The following MRPL15 variants were observed in gnomAD, a reference collection of about 807,000 sequenced individuals.
MRPL15 encodes the protein large ribosomal subunit protein uL15m.
Under a neutral mutation model 28.0 loss-of-function variants are expected in MRPL15, and 24 were observed. The ratio of observed to expected loss-of-function variants is 0.86; its 90% CI spans 0.62 to 1.21. The LOEUF (loss-of-function observed/expected upper bound fraction) is 1.21, where lower values mean the gene tolerates loss of function less well. Ranked by LOEUF, MRPL15 falls within the 50% of genes most tolerant of loss-of-function variation. The pLI is 0.00. For synonymous variants in MRPL15, 124 were observed against 137.0 expected, an observed-to-expected ratio of 0.90 and a Z score of 0.66; for missense variants, 343 against 372.4, an observed-to-expected ratio of 0.92 and a Z score of 0.65.
chr8:54,145,762 G>A (rs1811035561), intron 4 of MRPL15, among the ~76,000 whole-genome samples: 1 of 152,162 alleles, frequency 6.6e-6, no homozygotes, highest in South Asian at 2.1e-4. Context: ...GAGCCATTGT[G>A]CCTGGTCTAC....
Position 54,147,850 on chromosome 8 carries a change from T to A in MRPL15, c.*131T>A, listed in dbSNP as rs937794977. On this transcript the variant is annotated 3_prime_UTR_variant, in exon 5 of 5. Coordinates refer to ENST00000260102, the MANE Select transcript of MRPL15 (RefSeq NM_014175.4). ...TGTTACTTTTCAGTGTACTCATATG[T>A]CTCATTTTCATCTAAAATTAAATGG... 5 of 765,358 alleles carry A rather than the reference T, an allele frequency of 6.5e-6. No individual in the cohort carries two copies. In the East Asian group the frequency reaches 1.1e-4, roughly 17 times the overall value. 47.4% of individuals were successfully genotyped at this position (765,358 alleles called of 1,614,324 possible).
At position 54,142,481 on chromosome 8, in the gene MRPL15, C is replaced by T. The variant is rs187834741; in HGVS notation, c.430-182C>T. Among the ~76,000 whole-genome samples the T allele has an allele frequency of 1.0e-3, 157 of 152,064 alleles. 1 individual carries two copies. The highest frequency in any genetic ancestry group is 6.8e-3 in the Middle Eastern group (2 of 294). ...TTATTTTTTATTATTACTTTTTTTC[C>T]GAAAATTATCCATTCAAGTTGGTTG... is the stretch of plus-strand genomic sequence containing the variant. On this transcript the variant is annotated intron_variant, in intron 3 of 4. Transcript: ENST00000260102.
At position 54,147,793 on chromosome 8, in the gene MRPL15, A is replaced by C; in HGVS notation, c.*74A>C. The C allele has an allele frequency of 7.8e-7, 1 of 1,285,412 alleles. No homozygotes were observed. The highest frequency in any genetic ancestry group is 1.1e-6 in the Non-Finnish European group (1 of 938,706). 79.6% of individuals were successfully genotyped at this position (1,285,412 alleles called of 1,614,324 possible). A position where few individuals can be genotyped will look rare whatever the true frequency, so the allele number is the denominator to read the frequency against. ...TGAAGGATCTATATTCCCTTATTGC[A>C]TTTTCCTTATGTATAATTTTCCAGA... On this transcript the variant is annotated 3_prime_UTR_variant, in exon 5 of 5. Coordinates refer to ENST00000260102, the MANE Select transcript of MRPL15 (RefSeq NM_014175.4).
rs971742214 is a variant in MRPL15 at position 54,136,503 on chromosome 8, C to T, written c.109-8C>T. On this transcript the variant is annotated splice_region_variant and splice_polypyrimidine_tract_variant and intron_variant, in intron 1 of 4. Transcript: ENST00000260102. Reference sequence around the variant, plus strand: ...TGAAATTCATAAAATTCTTTTTTTTCCTTGCAGGAGAGAAGACCAAGAGGT... The same window carrying T: ...TGAAATTCATAAAATTCTTTTTTTTTCTTGCAGGAGAGAAGACCAAGAGGT... 4.4e-6 allele frequency: 7 copies of T among 1,576,426 alleles called. No homozygotes were observed. Among genetic ancestry groups the T allele is most frequent in the Admixed American group, 4.1e-5 (2 of 49,178 alleles).
intron 3 of MRPL15, among the ~76,000 whole-genome samples, chr8:54,139,508 G>A (rs1373573780): frequency 6.6e-6 from 1 of 152,164 alleles, no homozygotes; most frequent in East Asian, 1.9e-4. Flanking sequence ...TACCCTGAGT[G>A]TATATAAAGA....
chr8:54,145,437 C>G (rs1472326076), intron 4 of MRPL15, among the ~76,000 whole-genome samples: 1 of 152,058 alleles, frequency 6.6e-6, no homozygotes, highest in African/African-American at 2.4e-5. Flanking sequence ...GTCTCAAACT[C>G]CTGGTTTCAA....
In MRPL15 at chr8:54,147,564, G is replaced by C; in HGVS notation, c.736G>C (p.Asp246His). The change falls in exon 5 of 5, where the codon GAT becomes CAT. Residue 246 changes from aspartate (D) to histidine (H), a missense_variant. Coordinates refer to ENST00000260102, the MANE Select transcript of MRPL15 (RefSeq NM_014175.4). The stretch of plus-strand genomic sequence containing the variant: ...CAGGAAGTATGGTTATATCTTACCT[G>C]ATATCACTAAAGATGAACTCTTCAA... ...LARKYGYILP[D>H]ITKDELFKML... The C allele has an allele frequency of 3.7e-6, 6 of 1,614,138 alleles. No homozygotes were observed. The highest frequency in any genetic ancestry group is 5.1e-6 in the Non-Finnish European group (6 of 1,180,034).
chr8:54,137,545 C>T (rs531795494), intron 3 of MRPL15, 112 bp downstream of exon 3: 1 of 927,322 alleles, frequency 1.1e-6, no homozygotes, highest in Admixed American at 2.7e-5. Context: ...CTCCTGCAAC[C>T]TCCACCTCAC....
Position 54,147,497 on chromosome 8 carries a change from G to A in MRPL15, c.669G>A (p.Leu223=). ...YYTDAKNRGY[L]ADPAKFPEAR... ...CTGATGCAAAGAACCGTGGGTACCT[G>A]GCGGATCCTGCCAAATTTCCTGAAG... is the stretch of plus-strand genomic sequence containing the variant. Residue 223 remains leucine (L), a synonymous_variant, in exon 5 of 5, where the codon CTG becomes CTA. Transcript: ENST00000260102. 1 of 1,614,120 alleles carries A rather than the reference G, an allele frequency of 6.2e-7. No homozygotes were observed. Among genetic ancestry groups the A allele is most frequent in the Non-Finnish European group, 8.5e-7 (1 of 1,180,024 alleles).
chr8:54,140,818 G>A lies in MRPL15; in HGVS notation c.430-1845G>A, dbSNP rs756558162. Reference sequence around the variant, plus strand: ...AGGGTGGTCTTGATCTTCTGACCTCGTGATCCACCCGCCTTGGCCTCCCAA... The same window carrying A: ...AGGGTGGTCTTGATCTTCTGACCTCATGATCCACCCGCCTTGGCCTCCCAA... On this transcript the variant is annotated intron_variant, in intron 3 of 4. Transcript: ENST00000260102. Among the ~76,000 whole-genome samples the A allele has an allele frequency of 5.9e-5, 9 of 151,368 alleles. No individual in the cohort carries two copies. The South Asian group carries it at 1.0e-3, about 17-fold the overall frequency.
chr8:54,142,843 A>T, intron 4 of MRPL15, 57 bp downstream of exon 4: 1 of 1,604,420 alleles, frequency 6.2e-7, no homozygotes, highest in Non-Finnish European at 8.5e-7. Flanking sequence ...GTTGGCTACT[A>T]ATTTTAAATT....
In MRPL15 at chr8:54,147,871, A is replaced by G; in HGVS notation, c.*152A>G. The G allele has an allele frequency of 1.5e-6, 1 of 684,852 alleles. No homozygotes were observed. Among genetic ancestry groups the G allele is most frequent in the South Asian group, 2.4e-5 (1 of 41,212 alleles). The allele number at this position is 684,852 out of a possible 1,614,324, so 42.4% of individuals were successfully genotyped here. The stretch of plus-strand genomic sequence containing the variant: ...TATGTCTCATTTTCATCTAAAATTA[A>G]ATGGCAGGAAACAAGGACTGCATAG... On this transcript the variant is annotated 3_prime_UTR_variant, in exon 5 of 5. Transcript: ENST00000260102.
At chr8:54,146,446 CAAAAA>C (rs34515810) in intron 4 of MRPL15, among the ~76,000 whole-genome samples, 4 of 93,032 alleles carry the variant, frequency 4.3e-5, no homozygotes, top group Non-Finnish European at 7.4e-5. Flanking sequence ...GACTTTGTCT[CAAAAA>C]AAAAAAAAAA....
chr8:54,136,807 G>C (rs1237809087), intron 2 of MRPL15, 142 bp downstream of exon 2: 18 of 1,058,628 alleles, frequency 1.7e-5, no homozygotes, highest in Non-Finnish European at 2.0e-5. Flanking sequence ...ACCATTTTTT[G>C]GTAATGAAAT....
chr8:54,142,218 G>A (rs528926498), intron 3 of MRPL15, among the ~76,000 whole-genome samples: 1 of 151,976 alleles, frequency 6.6e-6, no homozygotes, highest in African/African-American at 2.4e-5. Flanking sequence ...GCAATGGCGC[G>A]ATCTCAGCTC....
intron 1 of MRPL15, 87 bp downstream of exon 1, chr8:54,135,478 C>T: frequency 8.9e-7 from 1 of 1,123,926 alleles, no homozygotes; most frequent in East Asian, 3.0e-5. Flanking sequence ...GAGAACTGCC[C>T]TTTCTAGGAG....
chr8:54,140,048 T>C (rs900489903), intron 3 of MRPL15, among the ~76,000 whole-genome samples: 1 of 152,194 alleles, frequency 6.6e-6, no homozygotes, highest in Non-Finnish European at 1.5e-5. Flanking sequence ...ATTTTTGAAA[T>C]ACATGAAAAA....
Position 54,143,105 on chromosome 8 carries a change from G to C in MRPL15, c.553+319G>C, listed in dbSNP as rs561610082. Among the ~76,000 whole-genome samples the C allele has an allele frequency of 1.3e-4, 19 of 151,626 alleles. No individual in the cohort carries two copies. In the East Asian group the frequency reaches 2.7e-3, roughly 22 times the overall value. On this transcript the variant is annotated intron_variant, in intron 4 of 4. Transcript: ENST00000260102. The stretch of plus-strand genomic sequence containing the variant: ...TTTCTCTCTTTTTTTTTTTAAGACA[G>C]AGTCTTGCTCTGTTGCCCAGGCTGG...
At position 54,135,251 on chromosome 8, in the gene MRPL15, G is replaced by A; in HGVS notation, c.-33G>A. ...GACCACGTGGCCTCCGAGCAGCTCA[G>A]GGCGCCCTTGAAAGTTCTTGGATCT... On this transcript the variant is annotated 5_prime_UTR_variant, in exon 1 of 5. Transcript: ENST00000260102. 1 of 1,297,808 alleles carries A rather than the reference G, an allele frequency of 7.7e-7. No homozygotes were observed. 80.4% of individuals were successfully genotyped at this position (1,297,808 alleles called of 1,614,324 possible). A position where few individuals can be genotyped will look rare whatever the true frequency, so the allele number is the denominator to read the frequency against.
Sources: allele counts gnomAD v4.1 joint callset (sites outside exome capture counted in the v4.1 genomes callset), GRCh38; gene constraint gnomAD v4.1.1; transcripts MANE v1.5; gene names NCBI Gene and HGNC (gene_info 2026-07-23, HGNC 2026-07-21).